The following FGGY variants were observed in gnomAD, a reference collection of about 807,000 sequenced individuals.
The protein encoded by FGGY is FGGY carbohydrate kinase domain-containing protein.
FGGY carries 72 observed loss-of-function variants against 71.3 expected under a neutral mutation model. The ratio of observed to expected loss-of-function variants is 1.01; its 90% CI spans 0.84 to 1.23. The LOEUF is 1.23. Ranked by LOEUF, FGGY falls within the 50% of genes most tolerant of loss-of-function variation. FGGY has a pLI of 0.00. For synonymous variants in FGGY, 251 were observed against 250.3 expected, an observed-to-expected ratio of 1.00 and a Z score of -0.02; for missense variants, 668 against 682.3, an observed-to-expected ratio of 0.98 and a Z score of 0.23.
intron 1 of FGGY, chr1:59,315,856 T>G (rs896684504): frequency 1.3e-5 from 2 of 151,424 alleles, no homozygotes; most frequent in Non-Finnish European, 2.9e-5. Flanking sequence ...TTTAGAACTG[T>G]CTCCCCTTGG....
rs138498096 is a variant in FGGY at position 59,564,354 on chromosome 1, CA to C, written c.903+10128del. The stretch of plus-strand genomic sequence containing the variant: ...CCTTAGTGTCTTTGGGCTCTAACCA[CA>C]GAAAAGCCACCCTTCAGACCATGCT... On this transcript the variant is annotated intron_variant, in intron 8 of 15. Transcript: ENST00000303721. Among the ~76,000 whole-genome samples, 1,416 of 152,310 alleles carry C rather than the reference CA, an allele frequency of 9.3e-3. 26 individuals carry two copies. The highest frequency in any genetic ancestry group is 0.033 in the African/African-American group (1,362 of 41,548).
At chr1:59,450,147 T>C (rs2072354951) in intron 5 of FGGY, among the ~76,000 whole-genome samples, 1 of 152,202 alleles carries the variant, frequency 6.6e-6, no homozygotes, top group South Asian at 2.1e-4. Context: ...TTTCCTGTAT[T>C]CTCCAGATTA....
rs1165435323 is a variant in FGGY at position 59,674,147 on chromosome 1, AGGGG to A, written c.1512+16_1512+19del. ...GCTTCTGTACAGGTATGTGAAGACC[AGGGG>A]GTGGGCTGTGGCTCCTCCCCTGTCT... On this transcript the variant is annotated intron_variant, in intron 14 of 15. Coordinates refer to ENST00000303721, the MANE Select transcript of FGGY (RefSeq NM_018291.5). The A allele has an allele frequency of 1.2e-6, 2 of 1,609,558 alleles. No individual in the cohort carries two copies. The highest frequency in any genetic ancestry group is 2.7e-5 in the African/African-American group (2 of 74,828).
chr1:59,500,038 C>G (rs2094176116), intron 6 of FGGY, among the ~76,000 whole-genome samples: 1 of 152,170 alleles, frequency 6.6e-6, no homozygotes, highest in Non-Finnish European at 1.5e-5. Context: ...ACAACCCTGA[C>G]TGTAGAGACA....
At chr1:59,449,527 C>G (rs1263855066) in intron 5 of FGGY, among the ~76,000 whole-genome samples, 1 of 152,222 alleles carries the variant, frequency 6.6e-6, no homozygotes, top group African/African-American at 2.4e-5. Flanking sequence ...TTGTGATCCA[C>G]CTGCCTCAGC....
intron 9 of FGGY, among the ~76,000 whole-genome samples, chr1:59,609,117 T>G (rs1298514873): frequency 6.6e-6 from 1 of 152,168 alleles, no homozygotes; most frequent in African/African-American, 2.4e-5. Context: ...GATAGTCTAC[T>G]TGGTAGGAAA....
chr1:59,660,402 A>T (rs2097263651), intron 12 of FGGY, 109 bp downstream of exon 12: 4 of 798,682 alleles, frequency 5.0e-6, no homozygotes, highest in Non-Finnish European at 5.8e-6. Context: ...ATTCTTAATT[A>T]AAAGATTGTT....
At chr1:59,569,658 G>A (rs982934270) in intron 8 of FGGY, among the ~76,000 whole-genome samples, 2 of 152,162 alleles carry the variant, frequency 1.3e-5, no homozygotes, top group Non-Finnish European at 2.9e-5. Flanking sequence ...AACCTCACAG[G>A]TTGGCTCTAT....
At chr1:59,500,395 C>G (rs1004917669) in intron 6 of FGGY, among the ~76,000 whole-genome samples, 3 of 152,036 alleles carry the variant, frequency 2.0e-5, no homozygotes, top group African/African-American at 7.3e-5. Flanking sequence ...GGAGGACAGG[C>G]AGACACTGTG....
chr1:59,358,516 A>G (rs1266726757), intron 4 of FGGY, among the ~76,000 whole-genome samples: 1 of 152,106 alleles, frequency 6.6e-6, no homozygotes, highest in Non-Finnish European at 1.5e-5. Context: ...ATGTTTTATT[A>G]TCAAAATTTC....
chr1:59,536,550 C>A (rs1247199519), intron 7 of FGGY, among the ~76,000 whole-genome samples: 1 of 152,184 alleles, frequency 6.6e-6, no homozygotes, highest in African/African-American at 2.4e-5. Flanking sequence ...AGACCAATAT[C>A]CTTGATGAAC....
chr1:59,296,533 C>A (rs1160038525), upstream of FGGY: 1 of 152,458 alleles, frequency 6.6e-6, no homozygotes, highest in Non-Finnish European at 1.5e-5. Flanking sequence ...GCGCTCCTCC[C>A]GCCTTGCCCA....
intron 11 of FGGY, among the ~76,000 whole-genome samples, chr1:59,649,016 C>T (rs2153925342): frequency 6.6e-6 from 1 of 151,600 alleles, no homozygotes; most frequent in Non-Finnish European, 1.5e-5. Context: ...AATCCTTTCC[C>T]CATTGCTTGT....
Position 59,321,536 on chromosome 1 carries a change from G to A in FGGY, c.-14G>A. On this transcript the variant is annotated splice_region_variant and 5_prime_UTR_variant, in exon 2 of 16. The change creates a new upstream start codon in the 5' untranslated region. Coordinates refer to ENST00000303721, the MANE Select transcript of FGGY (RefSeq NM_018291.5). ...TGGTTTTTACACTTGCTTACTATAG[G>A]TGGAGGAACTGCAATGTCTGGTGGA... The A allele has an allele frequency of 6.2e-7, 1 of 1,613,312 alleles. No homozygotes were observed. The highest frequency in any genetic ancestry group is 8.5e-7 in the Non-Finnish European group (1 of 1,179,582).
At chr1:59,665,279 G>T (rs1053547391) in intron 12 of FGGY, among the ~76,000 whole-genome samples, 1 of 152,146 alleles carries the variant, frequency 6.6e-6, no homozygotes, top group Non-Finnish European at 1.5e-5. Context: ...GCCCTAGTTA[G>T]TATGTAGGAT....
chr1:59,344,442 A>G (rs2051361916), intron 3 of FGGY, among the ~76,000 whole-genome samples: 2 of 152,110 alleles, frequency 1.3e-5, no homozygotes, highest in African/African-American at 4.8e-5. Flanking sequence ...TTTTATTTTA[A>G]AAAAAGATAT....
intron 6 of FGGY, among the ~76,000 whole-genome samples, chr1:59,483,153 T>C (rs775973384): frequency 1.1e-4 from 17 of 152,280 alleles, no homozygotes; most frequent in South Asian, 4.1e-4. Flanking sequence ...CCATACTTCA[T>C]TGGTGTGTGA....
chr1:59,503,594 C>CAT (rs71046332), intron 6 of FGGY, among the ~76,000 whole-genome samples: 6,146 of 127,554 alleles, frequency 0.048, 253 homozygotes, highest in East Asian at 0.17. Flanking sequence ...GTGGTGTCGC[C>CAT]ATATATATAT....
intron 14 of FGGY, among the ~76,000 whole-genome samples, chr1:59,740,727 C>G (rs2098140321): frequency 6.6e-6 from 1 of 152,214 alleles, no homozygotes; most frequent in Non-Finnish European, 1.5e-5. Context: ...CTGCCTCTAA[C>G]AGCCCACTTA....
Sources: gnomAD v4.1 joint callset for allele counts (sites outside exome capture counted in the v4.1 genomes callset) on GRCh38, gnomAD v4.1.1 for gene constraint, MANE v1.5 for transcripts, NCBI Gene and HGNC (gene_info 2026-07-23, HGNC 2026-07-21) for gene names.